CDC42BPB: variants seen among roughly 807,000 people sequenced by gnomAD.
CDC42BPB encodes serine/threonine-protein kinase MRCK beta.
In CDC42BPB, 37 loss-of-function variants were observed where a neutral mutation model predicts 214.9. The observed-to-expected ratio is 0.17, with a 90% CI of 0.13 to 0.23. The LOEUF (loss-of-function observed/expected upper bound fraction) is 0.23. Among genes scored for constraint, CDC42BPB ranks in the 10% least tolerant of loss-of-function variants. The pLI is 1.00. For missense variants in CDC42BPB, 1,694 were observed against 2,227.0 expected (o/e 0.76, Z 4.82); for synonymous variants, 931 against 884.0 (o/e 1.05, Z -0.94).
At position 102,944,626 on chromosome 14, in the gene CDC42BPB, C is replaced by A; in HGVS notation, c.3812-139G>T. 1 of 1,449,654 alleles carries A rather than the reference C, an allele frequency of 6.9e-7. No homozygotes were observed. Among genetic ancestry groups the A allele is most frequent in the Non-Finnish European group, 9.1e-7 (1 of 1,101,520 alleles). 89.8% of individuals were successfully genotyped at this position (1,449,654 alleles called of 1,614,324 possible). On this transcript the variant is annotated intron_variant, in intron 29 of 36. Transcript: ENST00000361246. This position sits in a 1 kb window ranked among gnomAD's most constrained non-coding sequence, Gnocchi z 6.6. ...CCTTCCTGTGTGCACAGCCTGAGCC[C>A]GGCCCTGAGCCCGTCTCTGCCCACA...
chr14:102,965,087 C>A (rs1192384294), intron 18 of CDC42BPB, among the ~76,000 whole-genome samples: 1 of 152,046 alleles, frequency 6.6e-6, no homozygotes, highest in East Asian at 1.9e-4. Context: ...TGCCGCACCA[C>A]CATGCCTGGC....
At chr14:102,951,149 C>T (rs1481616277) in intron 24 of CDC42BPB, among the ~76,000 whole-genome samples, 2 of 152,254 alleles carry the variant, frequency 1.3e-5, no homozygotes, top group Non-Finnish European at 2.9e-5. Context: ...TGCTTCCATG[C>T]TGTCCCTGCC....
Position 102,939,918 on chromosome 14 carries a change from C to T in CDC42BPB, c.4621G>A (p.Asp1541Asn), listed in dbSNP as rs1009900223. ...CGCAGCATCTGCTTCTTGCTGTTGT[C>T]GGAGGTGTCCGGCACGTTGAGAACC... Reference protein sequence around the residue: ...GAVLNVPDTSDNSKKQMLRTR... With the variant: ...GAVLNVPDTSNNSKKQMLRTR... Residue 1541 changes from aspartate (D) to asparagine (N), a missense_variant, in exon 33 of 37, where the codon GAC (aspartate) becomes AAC (asparagine). Transcript: ENST00000361246. The T allele has an allele frequency of 9.3e-6, 15 of 1,613,852 alleles. No individual in the cohort carries two copies. The highest frequency in any genetic ancestry group is 1.3e-5 in the African/African-American group (1 of 74,942).
At chr14:102,964,396 G>C in intron 19 of CDC42BPB, 106 bp downstream of exon 19, 1 of 1,362,480 alleles carries the variant, frequency 7.3e-7, no homozygotes, top group Non-Finnish European at 1.0e-6. Context: ...AAACGCCGTG[G>C]CCCCGATTTT....
chr14:103,045,855 G>A (rs1393749801), intron 1 of CDC42BPB, among the ~76,000 whole-genome samples: 2 of 152,168 alleles, frequency 1.3e-5, no homozygotes, highest in African/African-American at 4.8e-5. Flanking sequence ...CAGGAGAACA[G>A]GAATTTTGTT....
Position 102,970,139 on chromosome 14 carries a change from G to T in CDC42BPB, c.1995+12C>A. 1.2e-6 allele frequency: 2 copies of T among 1,603,524 alleles called. No homozygotes were observed. The highest frequency in any genetic ancestry group is 1.7e-6 in the Non-Finnish European group (2 of 1,172,498). Reference sequence around the variant, plus strand: ...CTCTCAGTTAAGGGCAGAGACCCCCGCCCAGCACTACCTTGAGGGCCTCCA... The same window carrying T: ...CTCTCAGTTAAGGGCAGAGACCCCCTCCCAGCACTACCTTGAGGGCCTCCA... On this transcript the variant is annotated intron_variant, in intron 14 of 36. Coordinates refer to ENST00000361246, the MANE Select transcript of CDC42BPB (RefSeq NM_006035.4).
At chr14:103,006,430 T>TGG (rs1171827825) in intron 3 of CDC42BPB, among the ~76,000 whole-genome samples, 2 of 152,232 alleles carry the variant, frequency 1.3e-5, no homozygotes, top group Non-Finnish European at 2.9e-5. Context: ...ATTCTTAAAC[T>TGG]GGGGACTGCC....
At chr14:103,055,161 G>A (rs968090920) in intron 1 of CDC42BPB, among the ~76,000 whole-genome samples, 3 of 152,238 alleles carry the variant, frequency 2.0e-5, no homozygotes, top group Non-Finnish European at 4.4e-5. Flanking sequence ...AGTGGCTCAC[G>A]CCTGTAATCC....
chr14:102,972,295 A>T lies in CDC42BPB; in HGVS notation c.1642-134T>A, dbSNP rs962106969. ...GTTACAGATTAGAGCCACAGATCTG[A>T]GCTGCTTGGAAAAAGACCTGTGCTC... On this transcript the variant is annotated intron_variant, in intron 12 of 36. Transcript: ENST00000361246. 5 of 1,498,896 alleles carry T rather than the reference A, an allele frequency of 3.3e-6. No individual in the cohort carries two copies. The East Asian group carries it at 1.1e-4, about 34-fold the overall frequency. 92.8% of individuals were successfully genotyped at this position (1,498,896 alleles called of 1,614,324 possible).
chr14:102,970,375 T>C, intron 13 of CDC42BPB, 114 bp from the exon 14 acceptor site: 1 of 1,442,382 alleles, frequency 6.9e-7, no homozygotes, highest in Non-Finnish European at 9.1e-7. Flanking sequence ...TCTGCGCGTG[T>C]TCACCCTTCA....
intron 18 of CDC42BPB, 109 bp downstream of exon 18, chr14:102,966,173 T>C: frequency 1.3e-6 from 1 of 755,558 alleles, no homozygotes; most frequent in Non-Finnish European, 2.2e-6. Context: ...TACACAGAAG[T>C]CTCTTGCATC....
chr14:102,951,942 G>A (rs948492304), intron 24 of CDC42BPB, among the ~76,000 whole-genome samples: 1 of 152,138 alleles, frequency 6.6e-6, no homozygotes, highest in Non-Finnish European at 1.5e-5. Context: ...GATCTACTTC[G>A]TAGTAATTCT....
chr14:103,007,803 G>GCA (rs1885925830), intron 3 of CDC42BPB, among the ~76,000 whole-genome samples: 1 of 152,028 alleles, frequency 6.6e-6, no homozygotes, highest in African/African-American at 2.4e-5. Context: ...GCAGGAAGCA[G>GCA]GTCAACTGGC....
In CDC42BPB at chr14:103,001,421, G is replaced by A. The variant is rs1472747480; in HGVS notation, c.448-1708C>T. Reference sequence around the variant, plus strand: ...GCAGGCCGCCTGGTGAGGTGCCCAGGCCAGAGGTTGCCAAGCAGAGGCCTG... The same window carrying A: ...GCAGGCCGCCTGGTGAGGTGCCCAGACCAGAGGTTGCCAAGCAGAGGCCTG... On this transcript the variant is annotated intron_variant, in intron 4 of 36. Transcript: ENST00000361246. This position sits in a 1 kb window ranked among gnomAD's most constrained non-coding sequence, Gnocchi z 5.8. Among the ~76,000 whole-genome samples, 1 of 152,192 alleles carries A rather than the reference G, an allele frequency of 6.6e-6. No individual in the cohort carries two copies. The highest frequency in any genetic ancestry group is 6.5e-5 in the Admixed American group (1 of 15,286).
Position 102,970,253 on chromosome 14 carries a change from A to G in CDC42BPB, c.1893T>C (p.Ala631=). ...RAEKLRKELE[A]QLDDAVAEAS... is the part of the protein sequence containing the mutation. ...CCTCAGCAACAGCATCATCAAGCTG[A>G]GCTTCCAGCTACAAAAGGAAGATCC... Residue 631 remains alanine (A), a synonymous_variant, in exon 14 of 37, where the codon GCT becomes GCC. Coordinates refer to ENST00000361246, the MANE Select transcript of CDC42BPB (RefSeq NM_006035.4). 1.2e-6 allele frequency: 2 copies of G among 1,612,040 alleles called. No individual in the cohort carries two copies. The highest frequency in any genetic ancestry group is 2.2e-5 in the South Asian group (2 of 90,468).
At chr14:102,957,499 C>T (rs1892763882) in intron 21 of CDC42BPB, among the ~76,000 whole-genome samples, 1 of 152,194 alleles carries the variant, frequency 6.6e-6, no homozygotes, top group Non-Finnish European at 1.5e-5. Context: ...TGCCCGGCTC[C>T]GCAGCAACGA....
At chr14:103,029,146 T>C (rs1190260729) in intron 1 of CDC42BPB, among the ~76,000 whole-genome samples, 1 of 152,244 alleles carries the variant, frequency 6.6e-6, no homozygotes, top group Non-Finnish European at 1.5e-5. Context: ...TTTACCTTAT[T>C]TAGACATTGA....
chr14:102,990,531 T>C (rs1283715272), intron 5 of CDC42BPB, among the ~76,000 whole-genome samples: 1 of 152,168 alleles, frequency 6.6e-6, no homozygotes, highest in Non-Finnish European at 1.5e-5. Context: ...AGTTAACTCA[T>C]GATTCCTGAG....
At chr14:103,027,688 A>G (rs566698649) in intron 1 of CDC42BPB, among the ~76,000 whole-genome samples, 4 of 152,326 alleles carry the variant, frequency 2.6e-5, no homozygotes, top group African/African-American at 9.6e-5. Context: ...GACAAAAAGT[A>G]TATTAGTGGT....
Sources: gnomAD v4.1 joint callset for allele counts (sites outside exome capture counted in the v4.1 genomes callset) on GRCh38, gnomAD v4.1.1 for gene constraint, Gnocchi (gnomAD v3.1) non-coding constraint, MANE v1.5 for transcripts, NCBI Gene and HGNC (gene_info 2026-07-23, HGNC 2026-07-21) for gene names.